MEF2A: variants seen among roughly 807,000 people sequenced by gnomAD.
MEF2A encodes myocyte-specific enhancer factor 2A.
A neutral mutation model predicts 55.8 loss-of-function variants in MEF2A; 28 were observed. The observed-to-expected ratio is 0.50, with a 90% CI of 0.37 to 0.69. The LOEUF (loss-of-function observed/expected upper bound fraction) is 0.69, where lower values mean the gene tolerates loss of function less well. MEF2A is among the 30% of genes least tolerant of loss of function. MEF2A has a pLI of 0.00. For synonymous variants in MEF2A, 239 were observed against 227.1 expected, an observed-to-expected ratio of 1.05 and a Z score of -0.47; for missense variants, 528 against 626.2, an observed-to-expected ratio of 0.84 and a Z score of 1.67.
At chr15:99,635,103 T>G (rs1205270245) in intron 3 of MEF2A, among the ~76,000 whole-genome samples, 9 of 152,220 alleles carry the variant, frequency 5.9e-5, no homozygotes, top group Non-Finnish European at 1.0e-4. Flanking sequence ...CTGTGTTAGG[T>G]CCTGGAAACT....
At chr15:99,584,917 T>C (rs145170287) in intron 1 of MEF2A, among the ~76,000 whole-genome samples, 121 of 152,298 alleles carry the variant, frequency 7.9e-4, no homozygotes, top group African/African-American at 2.8e-3. Flanking sequence ...AACAGATGTT[T>C]TGGGCCTTTG....
chr15:99,625,369 C>T (rs1229304785), intron 2 of MEF2A, among the ~76,000 whole-genome samples: 1 of 152,182 alleles, frequency 6.6e-6, no homozygotes, highest in Admixed American at 6.5e-5. Flanking sequence ...CGTGTAAGAT[C>T]ATGCTTGCTC....
At chr15:99,707,925 A>G (rs1328222628) in intron 10 of MEF2A, among the ~76,000 whole-genome samples, 1 of 145,740 alleles carries the variant, frequency 6.9e-6, no homozygotes, top group African/African-American at 2.6e-5. Flanking sequence ...AATCAACAAT[A>G]AAAGGTTTTA....
At chr15:99,580,489 C>T (rs1965612615) in intron 1 of MEF2A, among the ~76,000 whole-genome samples, 1 of 152,196 alleles carries the variant, frequency 6.6e-6, no homozygotes, top group African/African-American at 2.4e-5. Context: ...CAGTCAACTT[C>T]CACTGGTAAG....
Position 99,576,645 on chromosome 15 carries a change from G to GT in MEF2A, c.-225+10554dup, listed in dbSNP as rs921725509. ...AAGAAACATAAACTTTAGTTTTTTT[G>GT]TTTTTTTTTTTTTGAGACGGAATCT... On this transcript the variant is annotated intron_variant, in intron 1 of 11. Coordinates refer to ENST00000557942, the MANE Select transcript of MEF2A (RefSeq NM_001319206.4). Among the ~76,000 whole-genome samples the GT allele has an allele frequency of 1.0e-2, 1,383 of 138,784 alleles. 15 individuals carry two copies. Among genetic ancestry groups the GT allele is most frequent in the African/African-American group, 0.027 (1,041 of 38,266 alleles). 91.0% of individuals were successfully genotyped at this position (138,784 alleles called of 152,430 possible). A position where few individuals can be genotyped will look rare whatever the true frequency, so the allele number is the denominator to read the frequency against.
intron 2 of MEF2A, among the ~76,000 whole-genome samples, chr15:99,623,223 G>A (rs2041525126): frequency 6.6e-6 from 1 of 152,108 alleles, no homozygotes; most frequent in Non-Finnish European, 1.5e-5. Context: ...CTCTGTTGTA[G>A]CATGTGACAG....
At position 99,714,677 on chromosome 15, in the gene MEF2A, T is replaced by C. The variant is rs1204629345; in HGVS notation, c.*1906T>C. 6.6e-6 allele frequency: 1 copy of C among 152,168 alleles called. No homozygotes were observed. Among genetic ancestry groups the C allele is most frequent in the Non-Finnish European group, 1.5e-5 (1 of 68,028 alleles). The allele number at this position is 152,168 out of a possible 1,614,324, so 9.4% of individuals were successfully genotyped here. A position where few individuals can be genotyped will look rare whatever the true frequency, so the allele number is the denominator to read the frequency against. On this transcript the variant is annotated 3_prime_UTR_variant, in exon 12 of 12. Coordinates refer to ENST00000557942, the MANE Select transcript of MEF2A (RefSeq NM_001319206.4). ...GCCATGAGCAAAATTCAAAGTCCTGTATATCTTTCATTGTAGATTTTTAAA... is the reference window on the plus strand; with the variant it reads ...GCCATGAGCAAAATTCAAAGTCCTGCATATCTTTCATTGTAGATTTTTAAA...
At chr15:99,645,166 T>C (rs958608728) in intron 3 of MEF2A, among the ~76,000 whole-genome samples, 4 of 152,132 alleles carry the variant, frequency 2.6e-5, no homozygotes, top group African/African-American at 9.7e-5. Flanking sequence ...TTCAGATTAG[T>C]GGATGTATTT....
chr15:99,687,094 T>TC (rs2054411301), intron 7 of MEF2A, among the ~76,000 whole-genome samples: 1 of 140,088 alleles, frequency 7.1e-6, no homozygotes, highest in Non-Finnish European at 1.6e-5. Flanking sequence ...CTTTTTTTTT[T>TC]TTTTTTTTTT....
At position 99,661,982 on chromosome 15, in the gene MEF2A, C is replaced by T. The variant is rs138696567; in HGVS notation, c.259-9341C>T. Among the ~76,000 whole-genome samples the T allele has an allele frequency of 3.7e-3, 557 of 151,812 alleles. 3 individuals carry two copies. The highest frequency in any genetic ancestry group is 0.013 in the African/African-American group (522 of 41,368). The stretch of plus-strand genomic sequence containing the variant: ...GCTATAATTCTGTGTAACTCTATGG[C>T]GGAATCTCATAAACAGTGTTAATGC... On this transcript the variant is annotated intron_variant, in intron 4 of 11. Coordinates refer to ENST00000557942, the MANE Select transcript of MEF2A (RefSeq NM_001319206.4).
At chr15:99,681,493 A>G (rs1316234283) in intron 7 of MEF2A, among the ~76,000 whole-genome samples, 3 of 152,210 alleles carry the variant, frequency 2.0e-5, no homozygotes, top group Non-Finnish European at 1.5e-5. Context: ...AGTCATTCAC[A>G]TGGAGGTGAT....
At chr15:99,589,480 A>G (rs1003605682) in intron 1 of MEF2A, among the ~76,000 whole-genome samples, 15 of 151,976 alleles carry the variant, frequency 9.9e-5, no homozygotes, top group Admixed American at 2.6e-4. Context: ...GATTTTATCT[A>G]GTTTGTCCCA....
rs754843909 is a variant in MEF2A, at chr15:99,645,655, G to C, written c.149G>C (p.Ser50Thr). Residue 50 changes from serine to threonine, a missense_variant, in exon 4 of 12, where the codon AGC becomes ACC. Coordinates refer to ENST00000557942, the MANE Select transcript of MEF2A (RefSeq NM_001319206.4). ...DCEIALIIFN[S>T]SNKLFQYAST... ...GAAATAGCACTCATCATTTTCAACA[G>C]CTCTAACAAACTGTTTCAATATGCT... 2.5e-6 allele frequency: 4 copies of C among 1,613,654 alleles called. No homozygotes were observed. Among genetic ancestry groups the C allele is most frequent in the Admixed American group, 1.7e-5 (1 of 60,020 alleles).
At chr15:99,690,213 C>T in intron 7 of MEF2A, 28 bp from the exon 8 acceptor site, 9 of 1,602,378 alleles carry the variant, frequency 5.6e-6, no homozygotes, top group Non-Finnish European at 7.7e-6. Context: ...ACTCTTCTCA[C>T]TTTATTGAAT....
chr15:99,647,870 A>G (rs1197149382), intron 4 of MEF2A, among the ~76,000 whole-genome samples: 2 of 152,170 alleles, frequency 1.3e-5, no homozygotes, highest in East Asian at 3.8e-4. Flanking sequence ...ACAAGGCTTA[A>G]TTCACACTTC....
chr15:99,671,241 CTG>C (rs2050806523), intron 4 of MEF2A, 80 bp from the exon 5 acceptor site: 2 of 1,477,766 alleles, frequency 1.4e-6, no homozygotes, highest in Non-Finnish European at 1.8e-6. Context: ...TTCATTCCGT[CTG>C]TGCTCTCTTA....
At chr15:99,708,143 C>G (rs1567506905) in intron 10 of MEF2A, among the ~76,000 whole-genome samples, 2 of 152,218 alleles carry the variant, frequency 1.3e-5, no homozygotes. Context: ...ATCACCTGCT[C>G]TGTGAGAGAC....
intron 2 of MEF2A, among the ~76,000 whole-genome samples, chr15:99,614,495 T>C (rs547760292): frequency 6.6e-6 from 1 of 152,356 alleles, no homozygotes; most frequent in East Asian, 1.9e-4. Context: ...TAAGCAACTA[T>C]GGTAGCAGCT....
chr15:99,630,949 GT>G (rs991664426), intron 2 of MEF2A, among the ~76,000 whole-genome samples: 8 of 152,156 alleles, frequency 5.3e-5, no homozygotes, highest in African/African-American at 1.9e-4. Flanking sequence ...TCGGGCAGTA[GT>G]TTTGGAATCT....
Sources: gnomAD v4.1 joint callset for allele counts (sites outside exome capture counted in the v4.1 genomes callset) on GRCh38, gnomAD v4.1.1 for gene constraint, MANE v1.5 for transcripts, NCBI Gene and HGNC (gene_info 2026-07-23, HGNC 2026-07-21) for gene names.